The following CHMP1A variants were observed in gnomAD, a reference collection of about 807,000 sequenced individuals.
CHMP1A encodes the protein charged multivesicular body protein 1A, also known as VPS46 homolog A.
CHMP1A carries 17 observed loss-of-function variants against 27.0 expected under a neutral mutation model. That is an observed-to-expected ratio of 0.63 (90% CI 0.43 to 0.95). CHMP1A has a LOEUF of 0.95. CHMP1A is among the 40% of genes least tolerant of loss of function. The pLI is 0.00. For synonymous variants in CHMP1A, 131 were observed against 107.5 expected, an observed-to-expected ratio of 1.22 and a Z score of -1.35; for missense variants, 275 against 264.0, an observed-to-expected ratio of 1.04 and a Z score of -0.29.
At position 89,647,360 on chromosome 16, in the gene CHMP1A, C is replaced by G. The variant is rs541580489; in HGVS notation, c.253-29G>C. On this transcript the variant is annotated intron_variant, in intron 4 of 6. Coordinates refer to ENST00000397901, the MANE Select transcript of CHMP1A (RefSeq NM_002768.5). ...AGACAGGAGAGAGCGCAGGAGGGAA[C>G]AGGATGAAAGGCAAGTGGAGCTCAC... is the stretch of plus-strand genomic sequence containing the variant. The G allele has an allele frequency of 5.0e-6, 8 of 1,592,098 alleles. No individual in the cohort carries two copies. In the Admixed American group the frequency reaches 8.5e-5, roughly 17 times the overall value.
At chr16:89,654,235 C>T (rs901563563) in intron 1 of CHMP1A, among the ~76,000 whole-genome samples, 1 of 152,212 alleles carries the variant, frequency 6.6e-6, no homozygotes, top group Non-Finnish European at 1.5e-5. Context: ...AGGTCATGGA[C>T]GCAGCATCTT....
At position 89,646,767 on chromosome 16, in the gene CHMP1A, C is replaced by T. The variant is rs1028010394; in HGVS notation, c.382-53G>A. The T allele has an allele frequency of 3.0e-5, 47 of 1,557,814 alleles. No individual in the cohort carries two copies. The African/African-American group carries it at 5.1e-4, about 17-fold the overall frequency. On this transcript the variant is annotated intron_variant, in intron 5 of 6. Coordinates refer to ENST00000397901, the MANE Select transcript of CHMP1A (RefSeq NM_002768.5). The stretch of plus-strand genomic sequence containing the variant: ...CAGGTGGGGCCAGGCCCATGGGGCC[C>T]CACTCAGCTTCACAAGGGTACGACT...
At chr16:89,656,568 G>A (rs1036902627) in intron 1 of CHMP1A, among the ~76,000 whole-genome samples, 13 of 152,352 alleles carry the variant, frequency 8.5e-5, no homozygotes, top group South Asian at 2.1e-4. Flanking sequence ...AGCCCCAGAT[G>A]TAGAAGGTAA....
At chr16:89,651,129 G>C (rs1568002871) in intron 3 of CHMP1A, among the ~76,000 whole-genome samples, 1 of 152,128 alleles carries the variant, frequency 6.6e-6, no homozygotes, top group Non-Finnish European at 1.5e-5. Flanking sequence ...TGCAATACCA[G>C]CACTTTTGGA....
chr16:89,649,668 C>G (rs960282135), intron 3 of CHMP1A, 171 bp from the exon 4 acceptor site: 3 of 708,206 alleles, frequency 4.2e-6, no homozygotes, highest in African/African-American at 1.8e-5. Context: ...CTCCGCCCCC[C>G]AGGTTCATGC....
In CHMP1A at chr16:89,652,633, G is replaced by A. The variant is rs112955902; in HGVS notation, c.28-987C>T. 7.2e-5 allele frequency among the ~76,000 whole-genome samples: 11 copies of A among 152,030 alleles called. No homozygotes were observed. In the East Asian group the frequency reaches 2.1e-3, roughly 30 times the overall value. ...ACCCATCTGGAACCACAGACGCCCT[G>A]GTACCAGGTAGCCCTGGCCACCACA... On this transcript the variant is annotated intron_variant, in intron 2 of 6. Transcript: ENST00000397901.
chr16:89,655,055 A>G (rs566320991), intron 1 of CHMP1A, among the ~76,000 whole-genome samples: 3 of 152,310 alleles, frequency 2.0e-5, no homozygotes, highest in Admixed American at 2.0e-4. Flanking sequence ...GCTTTACCAC[A>G]CTAGCCACAA....
intron 4 of CHMP1A, 68 bp from the exon 5 acceptor site, chr16:89,647,399 G>GT: frequency 6.7e-7 from 1 of 1,484,680 alleles, no homozygotes; most frequent in Non-Finnish European, 9.2e-7. Context: ...CCAGGGACGG[G>GT]TCCCCTGGAC....
rs1421595124 is a variant in CHMP1A, at chr16:89,657,694, A to C, written c.-106T>G. 12 of 1,570,098 alleles carry C rather than the reference A, an allele frequency of 7.6e-6. No individual in the cohort carries two copies. The Admixed American group carries it at 1.5e-4, about 19-fold the overall frequency. On this transcript the variant is annotated 5_prime_UTR_variant, in exon 1 of 7. Coordinates refer to ENST00000397901, the MANE Select transcript of CHMP1A (RefSeq NM_002768.5). ...ACCGACCAAGCTGCACCCGGCGGGG[A>C]CTTCCGGGGTCGCCGCCCCACTTCC...
At chr16:89,650,396 GGA>G (rs1297559016) in intron 3 of CHMP1A, among the ~76,000 whole-genome samples, 1 of 152,124 alleles carries the variant, frequency 6.6e-6, no homozygotes, top group East Asian at 1.9e-4. Flanking sequence ...GACCCCTCCT[GGA>G]GAGGCACCCC....
rs2059806484 is a variant in CHMP1A at position 89,649,386 on chromosome 16, C to T, written c.217G>A (p.Ala73Thr). The change falls in exon 4 of 7, where the codon GCC becomes ACC. Residue 73 changes from alanine to threonine, a missense_variant. By Grantham distance (58) the Ala-to-Thr change is moderately conservative. Coordinates refer to ENST00000397901, the MANE Select transcript of CHMP1A (RefSeq NM_002768.5). ...LRMASRVDAV[A>T]SKVQTAVTMK... ...GTCACAGCTGTCTGCACCTTGGAGG[C>T]CACTGCGTCTACGCGGGACGCCATC... 1.2e-6 allele frequency: 2 copies of T among 1,613,656 alleles called. No homozygotes were observed. Among genetic ancestry groups the T allele is most frequent in the Non-Finnish European group, 1.7e-6 (2 of 1,179,832 alleles).
chr16:89,651,737 G>T lies in CHMP1A; in HGVS notation c.28-91C>A, dbSNP rs556605839. Reference sequence around the variant, plus strand: ...CACCCCCACACCTGTGCCCACACCTGTGCCCACACAGGTTCCTAAGCCCCC... The same window carrying T: ...CACCCCCACACCTGTGCCCACACCTTTGCCCACACAGGTTCCTAAGCCCCC... On this transcript the variant is annotated intron_variant, in intron 2 of 6. Coordinates refer to ENST00000397901, the MANE Select transcript of CHMP1A (RefSeq NM_002768.5). 2.3e-6 allele frequency: 3 copies of T among 1,277,268 alleles called. No individual in the cohort carries two copies. In the South Asian group the frequency reaches 4.1e-5, roughly 17 times the overall value. The allele number at this position is 1,277,268 out of a possible 1,614,324, so 79.1% of individuals were successfully genotyped here.
chr16:89,657,562 G>A lies in CHMP1A; in HGVS notation c.7+20C>T. On this transcript the variant is annotated intron_variant, in intron 1 of 6. Transcript: ENST00000397901. ...CCCGCCCCGCGCGCGAGTCCCCGGAGGACGGCCGCGACCTCTTACCGTCCA... is the reference window on the plus strand; with the variant it reads ...CCCGCCCCGCGCGCGAGTCCCCGGAAGACGGCCGCGACCTCTTACCGTCCA... 6.2e-7 allele frequency: 1 copy of A among 1,610,492 alleles called. No individual in the cohort carries two copies. Among genetic ancestry groups the A allele is most frequent in the South Asian group, 1.1e-5 (1 of 90,900 alleles).
intron 5 of CHMP1A, chr16:89,646,977 G>A (rs1411517301): frequency 1.1e-5 from 15 of 1,409,270 alleles, no homozygotes; most frequent in Non-Finnish European, 1.3e-5. Context: ...TGCCATCCGA[G>A]CCTCCCCACA....
chr16:89,657,582 C>G lies in CHMP1A; in HGVS notation c.7G>C (p.Asp3His). 1 of 1,611,208 alleles carries G rather than the reference C, an allele frequency of 6.2e-7. No homozygotes were observed. The highest frequency in any genetic ancestry group is 8.5e-7 in the Non-Finnish European group (1 of 1,179,248). ...CCGGAGGACGGCCGCGACCTCTTAC[C>G]GTCCATGGCCACAATGACAGGAGCA... MDDTLFQLKFTAK... is the reference protein window; with the variant it reads MDHTLFQLKFTAK... The change falls in exon 1 of 7, where the codon GAT (aspartate) becomes CAT (histidine). Residue 3 changes from aspartate to histidine, a missense_variant and splice_region_variant. By Grantham distance (81) the Asp-to-His change is moderately conservative (BLOSUM62 -1). Transcript: ENST00000397901.
Position 89,656,262 on chromosome 16 carries a change from G to C in CHMP1A, c.7+1320C>G, listed in dbSNP as rs547250181. ...CGCCATTCTCCTGCCTCAGCCTCCCGAGTAGCTGGGACTACAGGCACCCGC... is the reference window on the plus strand; with the variant it reads ...CGCCATTCTCCTGCCTCAGCCTCCCCAGTAGCTGGGACTACAGGCACCCGC... On this transcript the variant is annotated intron_variant, in intron 1 of 6. Transcript: ENST00000397901. Among the ~76,000 whole-genome samples, 398 of 152,110 alleles carry C rather than the reference G, an allele frequency of 2.6e-3. 2 individuals are homozygous for C. The highest frequency in any genetic ancestry group is 8.9e-3 in the African/African-American group (371 of 41,480).
intron 6 of CHMP1A, 73 bp from the exon 7 acceptor site, chr16:89,646,160 G>A: frequency 1.4e-6 from 2 of 1,399,098 alleles, no homozygotes. Context: ...TCCCAGCACA[G>A]GTGACCCTTT....
intron 4 of CHMP1A, among the ~76,000 whole-genome samples, chr16:89,648,643 C>T (rs546203811): frequency 6.6e-6 from 1 of 152,318 alleles, no homozygotes; most frequent in South Asian, 2.1e-4. Flanking sequence ...ATAATTCCAG[C>T]ACTTTGGGAG....
chr16:89,653,219 A>C (rs1210079139), intron 2 of CHMP1A, among the ~76,000 whole-genome samples: 2 of 149,034 alleles, frequency 1.3e-5, no homozygotes, highest in Non-Finnish European at 3.0e-5. Flanking sequence ...ATGGGGTTTC[A>C]CTGTGGTCTC....
Sources: gnomAD v4.1 joint callset for allele counts (sites outside exome capture counted in the v4.1 genomes callset) on GRCh38, gnomAD v4.1.1 for gene constraint, MANE v1.5 for transcripts, NCBI Gene and HGNC (gene_info 2026-07-23, HGNC 2026-07-21) for gene names.